Variants in KCNT2 observed in about 807,000 individuals in gnomAD.
KCNT2 encodes potassium sodium-activated channel subfamily T member 2.
In KCNT2, 67 loss-of-function variants were observed where a neutral mutation model predicts 153.8. The ratio of observed to expected loss-of-function variants is 0.44; its 90% confidence interval spans 0.36 to 0.53. The LOEUF (loss-of-function observed/expected upper bound fraction) is 0.53, where lower values mean the gene tolerates loss of function less well. KCNT2 is among the 20% of genes least tolerant of loss of function. The pLI, the probability that KCNT2 is intolerant of heterozygous loss-of-function variation, is 0.00. For synonymous variants in KCNT2, 500 were observed against 458.8 expected, an observed-to-expected ratio of 1.09 and a Z score of -1.15; for missense variants, 975 against 1,354.8, an observed-to-expected ratio of 0.72 and a Z score of 4.40.
intron 13 of KCNT2, among the ~76,000 whole-genome samples, chr1:196,395,669 A>C (rs1199091404): frequency 1.3e-5 from 2 of 151,662 alleles, no homozygotes; most frequent in Non-Finnish European, 3.0e-5. Flanking sequence ...ACAGGACAGC[A>C]ACTACATCAC....
chr1:196,555,035 T>C (rs1658460122), intron 1 of KCNT2, among the ~76,000 whole-genome samples: 1 of 151,168 alleles, frequency 6.6e-6, no homozygotes, highest in African/African-American at 2.4e-5. Context: ...AGTATCATAC[T>C]GCATGGGAAA....
chr1:196,411,536 C>T (rs1232456219), intron 12 of KCNT2, among the ~76,000 whole-genome samples: 4 of 146,216 alleles, frequency 2.7e-5, no homozygotes, highest in Non-Finnish European at 4.5e-5. Context: ...TTATTTATGT[C>T]TCCTTCAATT....
Position 196,258,249 on chromosome 1 carries a change from A to G in KCNT2, c.3156T>C (p.Leu1052=), listed in dbSNP as rs1277678058. Residue 1052 remains leucine (L), a synonymous_variant, in exon 26 of 28, where the codon CTT becomes CTC. Transcript: ENST00000294725. Reference sequence around the variant, plus strand: ...TCATTCTATTTTTCACAAGTTCAGCAAGCTCTTGTCTTTCTGACCTCCTGT... The same window carrying G: ...TCATTCTATTTTTCACAAGTTCAGCGAGCTCTTGTCTTTCTGACCTCCTGT... ...NLYRRSERQE[L]AELVKNRMKH... is the part of the protein sequence containing the mutation. The G allele has an allele frequency of 1.9e-6, 3 of 1,614,044 alleles. No individual in the cohort carries two copies. In the Admixed American group the frequency reaches 5.0e-5, roughly 27 times the overall value.
chr1:196,249,532 G>A (rs1418492709), intron 26 of KCNT2, among the ~76,000 whole-genome samples: 1 of 152,112 alleles, frequency 6.6e-6, no homozygotes, highest in South Asian at 2.1e-4. Flanking sequence ...CAGCACTTTG[G>A]GAGGCCAAGG....
intron 3 of KCNT2, among the ~76,000 whole-genome samples, chr1:196,487,058 C>T (rs768088263): frequency 6.6e-6 from 1 of 151,768 alleles, no homozygotes; most frequent in Non-Finnish European, 1.5e-5. Flanking sequence ...CATTAAGGGC[C>T]CTTCCACCAG....
At chr1:196,322,572 C>A (rs934419428) in intron 19 of KCNT2, among the ~76,000 whole-genome samples, 1 of 151,824 alleles carries the variant, frequency 6.6e-6, no homozygotes, top group Non-Finnish European at 1.5e-5. Flanking sequence ...CCAAAAGCCT[C>A]ATATTCTTAT....
chr1:196,284,490 TA>T (rs1033399562), intron 23 of KCNT2, among the ~76,000 whole-genome samples: 14 of 151,280 alleles, frequency 9.3e-5, no homozygotes, highest in Non-Finnish European at 4.4e-5. Context: ...ATACTGTGGC[TA>T]AAAAAATCTT....
At chr1:196,588,067 G>T (rs1662902133) in intron 1 of KCNT2, among the ~76,000 whole-genome samples, 1 of 152,030 alleles carries the variant, frequency 6.6e-6, no homozygotes, top group Non-Finnish European at 1.5e-5. Flanking sequence ...CTGAGGCAAA[G>T]AAAGGGGCAA....
At chr1:196,433,045 C>G (rs1445118974) in intron 8 of KCNT2, among the ~76,000 whole-genome samples, 1 of 151,944 alleles carries the variant, frequency 6.6e-6, no homozygotes, top group Non-Finnish European at 1.5e-5. Flanking sequence ...GAATTAGCAA[C>G]CTTATAAAAT....
At chr1:196,586,084 A>G (rs1662643547) in intron 1 of KCNT2, among the ~76,000 whole-genome samples, 2 of 151,746 alleles carry the variant, frequency 1.3e-5, no homozygotes, top group African/African-American at 4.8e-5. Flanking sequence ...ACATGGCAAA[A>G]CCCCATCTCT....
chr1:196,349,907 T>C (rs1448018473), intron 14 of KCNT2, among the ~76,000 whole-genome samples: 2 of 151,996 alleles, frequency 1.3e-5, no homozygotes, highest in African/African-American at 4.8e-5. Flanking sequence ...CCTTCCTGTG[T>C]CCATGTGTTC....
intron 26 of KCNT2, among the ~76,000 whole-genome samples, chr1:196,243,382 A>G (rs1655132443): frequency 6.6e-6 from 1 of 152,228 alleles, no homozygotes; most frequent in Non-Finnish European, 1.5e-5. Context: ...TAAAAACCAA[A>G]GATGAGGTGA....
chr1:196,282,040 C>T (rs182179034), intron 24 of KCNT2, among the ~76,000 whole-genome samples: 64 of 152,088 alleles, frequency 4.2e-4, no homozygotes, highest in South Asian at 1.9e-3. Flanking sequence ...TGAGCCTCCA[C>T]GCCTGGCCAA....
intron 14 of KCNT2, among the ~76,000 whole-genome samples, chr1:196,369,411 G>A (rs562897190): frequency 1.3e-5 from 2 of 151,790 alleles, no homozygotes; most frequent in African/African-American, 2.4e-5. Flanking sequence ...TGCCATGCTG[G>A]TGTGCTGCAC....
At chr1:196,451,217 C>CTA (rs1676135727) in intron 8 of KCNT2, among the ~76,000 whole-genome samples, 4 of 63,556 alleles carry the variant, frequency 6.3e-5, no homozygotes, top group African/African-American at 1.9e-4. Context: ...ATCCCTCTTT[C>CTA]TTTTTTTTTT....
chr1:196,516,108 G>A lies in KCNT2; in HGVS notation c.96-23767C>T, dbSNP rs889838086. Among the ~76,000 whole-genome samples the A allele has an allele frequency of 5.3e-5, 8 of 152,286 alleles. No homozygotes were observed. In the East Asian group the frequency reaches 1.5e-3, roughly 29 times the overall value. On this transcript the variant is annotated intron_variant, in intron 1 of 27. Transcript: ENST00000294725. The stretch of plus-strand genomic sequence containing the variant: ...TACCCTGGGAAAGGAGCTAAATCCA[G>A]GGGCTGAGCAGCATTGGTCTGCAGG...
intron 8 of KCNT2, among the ~76,000 whole-genome samples, chr1:196,455,462 G>T (rs915025834): frequency 6.6e-6 from 1 of 151,808 alleles, no homozygotes; most frequent in Admixed American, 6.6e-5. Context: ...TGAGATGGTG[G>T]TTTTTTTCTA....
chr1:196,305,182 T>C, intron 22 of KCNT2, 52 bp downstream of exon 22: 1 of 1,058,210 alleles, frequency 9.4e-7, no homozygotes, highest in Non-Finnish European at 1.5e-6. Flanking sequence ...ACAGAGTTAA[T>C]TTCTGAATAA....
At chr1:196,238,383 A>G (rs187860494) in intron 26 of KCNT2, among the ~76,000 whole-genome samples, 1 of 152,026 alleles carries the variant, frequency 6.6e-6, no homozygotes, top group Admixed American at 6.6e-5. Flanking sequence ...TTATTTTCCC[A>G]CAAACCACGG....
Sources: allele counts gnomAD v4.1 joint callset (sites outside exome capture counted in the v4.1 genomes callset), GRCh38; gene constraint gnomAD v4.1.1; transcripts MANE v1.5; gene names NCBI Gene and HGNC (gene_info 2026-07-23, HGNC 2026-07-21).